SOX5: variants seen among roughly 807,000 people sequenced by gnomAD.
SOX5 encodes SRY-box transcription factor 5.
A neutral mutation model predicts 92.0 loss-of-function variants in SOX5; 9 were observed. That is an observed-to-expected ratio of 0.10 (90% confidence interval 0.06 to 0.17). The LOEUF (loss-of-function observed/expected upper bound fraction) is 0.17. Among genes scored for constraint, SOX5 ranks in the 10% least tolerant of loss-of-function variants. The pLI is 1.00. For missense variants in SOX5, 642 were observed against 944.5 expected (o/e 0.68, Z 4.20); for synonymous variants, 344 against 336.3 (o/e 1.02, Z -0.25).
chr12:24,247,308 A>C (rs1939015808), intron 3 of SOX5, among the ~76,000 whole-genome samples: 1 of 152,324 alleles, frequency 6.6e-6, no homozygotes, highest in East Asian at 1.9e-4. Context: ...AAAGGAACAC[A>C]GTAGGAGGTT....
In SOX5 at chr12:23,979,272, G is replaced by A. The variant is rs376032220; in HGVS notation, c.-1-83248C>T. Among the ~76,000 whole-genome samples, 4 of 152,248 alleles carry A rather than the reference G, an allele frequency of 2.6e-5. No individual in the cohort carries two copies. The East Asian group carries it at 5.8e-4, about 22-fold the overall frequency. On this transcript the variant is annotated intron_variant, in intron 4 of 4. Transcript: ENST00000446891. Reference sequence around the variant, plus strand: ...AGAGTCTTACTCTGTCAGCCAGGCTGGAGTGCAATGGTGCGATCTCAGCTC... The same window carrying A: ...AGAGTCTTACTCTGTCAGCCAGGCTAGAGTGCAATGGTGCGATCTCAGCTC...
At chr12:23,601,912 G>A (rs149544582) in intron 9 of SOX5, among the ~76,000 whole-genome samples, 1 of 152,072 alleles carries the variant, frequency 6.6e-6, no homozygotes, top group Non-Finnish European at 1.5e-5. Flanking sequence ...GTATGCTAGA[G>A]GGCACTGAGC....
At chr12:24,107,349 G>C (rs1160548781) in intron 4 of SOX5, among the ~76,000 whole-genome samples, 1 of 152,122 alleles carries the variant, frequency 6.6e-6, no homozygotes, top group Non-Finnish European at 1.5e-5. Context: ...GAATGATTGA[G>C]TTGCTAACAC....
chr12:24,277,540 T>TAC (rs1491170411), intron 2 of SOX5, among the ~76,000 whole-genome samples: 1 of 58,756 alleles, frequency 1.7e-5, no homozygotes, highest in African/African-American at 4.5e-5. Context: ...ATAATTTATA[T>TAC]GTATATAAAT....
chr12:24,164,269 T>C (rs1247288429), intron 4 of SOX5, among the ~76,000 whole-genome samples: 1 of 152,056 alleles, frequency 6.6e-6, no homozygotes, highest in African/African-American at 2.4e-5. Flanking sequence ...TGTTCAAACA[T>C]ACACATTTCA....
chr12:23,779,740 T>C (rs1360075360), intron 3 of SOX5, among the ~76,000 whole-genome samples: 2 of 146,870 alleles, frequency 1.4e-5, no homozygotes, highest in Non-Finnish European at 3.0e-5. Context: ...CTTTGGGAAA[T>C]TTCCCAAAAG....
At chr12:23,798,174 T>A (rs558641049) in intron 3 of SOX5, among the ~76,000 whole-genome samples, 2 of 152,146 alleles carry the variant, frequency 1.3e-5, no homozygotes, top group African/African-American at 4.8e-5. Context: ...TTAATCTGAT[T>A]ACTCCCACTG....
intron 6 of SOX5, among the ~76,000 whole-genome samples, chr12:23,730,323 T>C (rs556245869): frequency 7.9e-5 from 12 of 152,228 alleles, no homozygotes; most frequent in South Asian, 2.1e-4. Context: ...ATACAGTAAA[T>C]TGAAATTTAA....
intron 4 of SOX5, among the ~76,000 whole-genome samples, chr12:24,024,936 C>T (rs1375744833): frequency 1.3e-5 from 2 of 151,902 alleles, no homozygotes; most frequent in Admixed American, 6.6e-5. Context: ...TTTCTCTGAA[C>T]AAGATAACCT....
chr12:23,977,342 G>A (rs972930957), intron 4 of SOX5, among the ~76,000 whole-genome samples: 1 of 152,070 alleles, frequency 6.6e-6, no homozygotes, highest in African/African-American at 2.4e-5. Flanking sequence ...AAGTCAATGG[G>A]ACTGAAGTCT....
intron 1 of SOX5, among the ~76,000 whole-genome samples, chr12:24,451,634 C>G (rs1017586576): frequency 1.3e-5 from 2 of 151,880 alleles, no homozygotes; most frequent in African/African-American, 4.8e-5. Context: ...CTGAAGGACA[C>G]CTGAAGAGTG....
chr12:24,007,812 CACACACACACAT>C lies in SOX5; in HGVS notation c.-1-111800_-1-111789del, dbSNP rs1255257010. ...ACGCACGCACACACACACACACACA[CACACACACACAT>C]ATATATATATATCTTAAATGAAGAA... On this transcript the variant is annotated intron_variant, in intron 4 of 4. Transcript: ENST00000446891. Among the ~76,000 whole-genome samples the C allele has an allele frequency of 2.0e-4, 21 of 102,744 alleles. No individual in the cohort carries two copies. In the South Asian group the frequency reaches 2.6e-3, roughly 13 times the overall value. The allele number at this position is 102,744 out of a possible 152,430, so 67.4% of individuals were successfully genotyped here. A position where few individuals can be genotyped will look rare whatever the true frequency, so the allele number is the denominator to read the frequency against.
chr12:23,823,716 A>G (rs1035232678), intron 3 of SOX5, among the ~76,000 whole-genome samples: 2 of 152,138 alleles, frequency 1.3e-5, no homozygotes, highest in South Asian at 2.1e-4. Flanking sequence ...GTGTTTTTCA[A>G]TTAGGTTCTA....
intron 4 of SOX5, among the ~76,000 whole-genome samples, chr12:24,117,972 T>C (rs966636169): frequency 6.5e-5 from 9 of 138,594 alleles, no homozygotes; most frequent in African/African-American, 1.1e-4. Context: ...TAAGCCCAGA[T>C]GGTGCCACCG....
intron 2 of SOX5, among the ~76,000 whole-genome samples, chr12:24,309,780 C>T (rs996562588): frequency 1.3e-5 from 2 of 152,030 alleles, no homozygotes; most frequent in African/African-American, 2.4e-5. Flanking sequence ...CTGTAAAAAC[C>T]GTGATAGGAA....
chr12:24,502,489 T>A (rs1028522441), intron 1 of SOX5, among the ~76,000 whole-genome samples: 1 of 152,152 alleles, frequency 6.6e-6, no homozygotes, highest in Non-Finnish European at 1.5e-5. Context: ...TGGAAATAAA[T>A]CATTGAGTAT....
intron 4 of SOX5, among the ~76,000 whole-genome samples, chr12:24,095,404 C>A (rs1489036436): frequency 1.3e-5 from 2 of 150,178 alleles, no homozygotes; most frequent in Non-Finnish European, 3.0e-5. Flanking sequence ...AGTTTCATTG[C>A]CTGCTTGCCC....
chr12:23,718,583 G>A (rs544794107), intron 6 of SOX5, among the ~76,000 whole-genome samples: 1 of 152,138 alleles, frequency 6.6e-6, no homozygotes, highest in Non-Finnish European at 1.5e-5. Context: ...TAAAAATGCA[G>A]ATGATTTTGA....
chr12:24,209,793 C>A (rs1432694462), intron 4 of SOX5, among the ~76,000 whole-genome samples: 1 of 151,502 alleles, frequency 6.6e-6, no homozygotes, highest in Non-Finnish European at 1.5e-5. Context: ...CCGAGGCGGG[C>A]GGATCACGAG....
Sources: gnomAD v4.1 joint callset for allele counts (sites outside exome capture counted in the v4.1 genomes callset) on GRCh38, gnomAD v4.1.1 for gene constraint, MANE v1.5 for transcripts, NCBI Gene and HGNC (gene_info 2026-07-23, HGNC 2026-07-21) for gene names.